The following SLC25A18 variants were observed in gnomAD, a reference collection of about 807,000 sequenced individuals.
The protein encoded by SLC25A18 is mitochondrial glutamate carrier 2.
In SLC25A18, 24 loss-of-function variants were observed where a neutral mutation model predicts 31.1. That is an observed-to-expected ratio of 0.77 (90% CI 0.56 to 1.08). The LOEUF is 1.08. SLC25A18 is among the 50% of genes least tolerant of loss of function. The pLI, the probability that SLC25A18 is intolerant of heterozygous loss-of-function variation, is 0.00. For synonymous variants in SLC25A18, 173 were observed against 161.9 expected (o/e 1.07, Z -0.52); for missense variants, 371 against 418.5 (o/e 0.89, Z 0.99).
chr22:17,581,299 C>G (rs2096894987), intron 4 of SLC25A18, 59 bp from the exon 5 acceptor site: 6 of 1,608,508 alleles, frequency 3.7e-6, no homozygotes, highest in Non-Finnish European at 4.2e-6. Context: ...GGGAGCAGGG[C>G]ATGGAGGCGG....
chr22:17,587,269 G>A lies in SLC25A18; in HGVS notation c.543G>A (p.Gly181=). The A allele has an allele frequency of 6.2e-7, 1 of 1,613,654 alleles. No individual in the cohort carries two copies. The highest frequency in any genetic ancestry group is 1.1e-5 in the South Asian group (1 of 91,076). ...WELLRTQGLA[G]LYRGLGATLL... ...TGCTCCGCACTCAGGGCCTGGCTGG[G>A]CTCTACAGGGGCCTGGGTGCCACTC... Residue 181 remains glycine, a synonymous_variant, in exon 8 of 11, where the codon GGG becomes GGA. Coordinates refer to ENST00000327451, the MANE Select transcript of SLC25A18 (RefSeq NM_031481.3).
At chr22:17,589,327 C>G (rs968706816) in intron 9 of SLC25A18, 2 of 339,266 alleles carry the variant, frequency 5.9e-6, no homozygotes, top group African/African-American at 4.3e-5. Flanking sequence ...ACTACAGGAA[C>G]GCGCCACGCC....
Position 17,586,294 on chromosome 22 carries a change from A to C in SLC25A18, c.410-842A>C, listed in dbSNP as rs149757697. Among the ~76,000 whole-genome samples the C allele has an allele frequency of 8.6e-3, 1,309 of 152,180 alleles. 16 individuals carry two copies. The highest frequency in any genetic ancestry group is 0.03 in the African/African-American group (1,226 of 41,538). On this transcript the variant is annotated intron_variant, in intron 7 of 10. Coordinates refer to ENST00000327451, the MANE Select transcript of SLC25A18 (RefSeq NM_031481.3). ...CTTTGGGAGGCAGGTGGATCACCTG[A>C]GGTCAGGAGTTTGAGACCAGCCTGA...
At chr22:17,584,399 A>AAAAGAAAGAAAG (rs1187381986) in intron 7 of SLC25A18, among the ~76,000 whole-genome samples, 1,115 of 110,714 alleles carry the variant, frequency 0.01, 49 homozygotes, top group African/African-American at 0.037. Flanking sequence ...TCTCAAAAAG[A>AAAAGAAAGAAAG]AAAGAAAGAA....
In SLC25A18 at chr22:17,581,019, G is replaced by A. The variant is rs1256051733; in HGVS notation, c.21-18G>A. ...CTCCCTCTGCCTCTCTCCTCCCCCT[G>A]TCCTCCCCCTGTCCTAGCATCACAG... On this transcript the variant is annotated intron_variant, in intron 3 of 10. Transcript: ENST00000327451. The A allele has an allele frequency of 6.5e-7, 1 of 1,536,082 alleles. No homozygotes were observed. The highest frequency in any genetic ancestry group is 1.4e-5 in the African/African-American group (1 of 72,884).
intron 3 of SLC25A18, chr22:17,580,348 G>A (rs1463834899): frequency 1.3e-5 from 3 of 234,076 alleles, no homozygotes; most frequent in Non-Finnish European, 2.2e-5. Flanking sequence ...GATAAGAAAA[G>A]TTGAGTGGGT....
chr22:17,580,060 A>G (rs181494674), intron 3 of SLC25A18, 96 bp downstream of exon 3: 17 of 1,260,910 alleles, frequency 1.3e-5, no homozygotes, highest in Non-Finnish European at 1.7e-5. Flanking sequence ...GAACAAGCTG[A>G]GTCCTAGGGA....
At chr22:17,582,748 C>T (rs1182007987) in intron 6 of SLC25A18, 95 bp downstream of exon 6, 12 of 1,077,276 alleles carry the variant, frequency 1.1e-5, no homozygotes, top group East Asian at 2.6e-5. Context: ...GTATACCTGC[C>T]TGCATGCATA....
chr22:17,587,480 T>C (rs2057583914), intron 8 of SLC25A18, among the ~76,000 whole-genome samples, 179 bp downstream of exon 8: 1 of 152,180 alleles, frequency 6.6e-6, no homozygotes, highest in African/African-American at 2.4e-5. Context: ...AATGGGTACC[T>C]AGAAGACTAA....
At chr22:17,581,575 G>C (rs2057375043) in intron 5 of SLC25A18, 162 bp downstream of exon 5, 7 of 751,340 alleles carry the variant, frequency 9.3e-6, no homozygotes, top group Non-Finnish European at 1.5e-5. Context: ...GGCAGCTCTG[G>C]GTCCTGGTAA....
chr22:17,581,070 A>G lies in SLC25A18; in HGVS notation c.54A>G (p.Ala18=). 2 of 1,558,262 alleles carry G rather than the reference A, an allele frequency of 1.3e-6. No individual in the cohort carries two copies. Among genetic ancestry groups the G allele is most frequent in the Non-Finnish European group, 1.7e-6 (2 of 1,150,034 alleles). Residue 18 remains alanine (A), a synonymous_variant, in exon 4 of 11, where the codon GCA becomes GCG. Coordinates refer to ENST00000327451, the MANE Select transcript of SLC25A18 (RefSeq NM_031481.3). ...ITAKLINGGV[A]GLVGVTCVFP... ...CCAAACTCATCAATGGAGGTGTAGC[A>G]GGGCTCGTGGGGGTGACCTGCGTGT... is the stretch of plus-strand genomic sequence containing the variant.
In SLC25A18 at chr22:17,581,361, C is replaced by T. The variant is rs766996889; in HGVS notation, c.147C>T (p.Ile49=). 1.4e-5 allele frequency: 23 copies of T among 1,613,942 alleles called. No individual in the cohort carries two copies. The highest frequency in any genetic ancestry group is 1.7e-5 in the Admixed American group (1 of 59,988). Residue 49 remains isoleucine, a synonymous_variant, in exon 5 of 11, where the codon ATC becomes ATT. Transcript: ENST00000327451. The part of the protein sequence containing the change: ...QHGKAMYKGM[I]DCLMKTARAE... ...CTACTCTGGCCTCTGCTTCCAGGATCGACTGCCTGATGAAGACGGCTCGGG... is the reference window on the plus strand; with the variant it reads ...CTACTCTGGCCTCTGCTTCCAGGATTGACTGCCTGATGAAGACGGCTCGGG...
chr22:17,581,491 T>C (rs2057372792), intron 5 of SLC25A18, 78 bp downstream of exon 5: 11 of 1,528,414 alleles, frequency 7.2e-6, no homozygotes, highest in Non-Finnish European at 9.9e-6. Flanking sequence ...GTTCCTTCCG[T>C]TGCTGCGGGG....
chr22:17,575,987 GT>G (rs1326818028), intron 2 of SLC25A18, among the ~76,000 whole-genome samples: 8 of 151,998 alleles, frequency 5.3e-5, no homozygotes, highest in Non-Finnish European at 1.2e-4. Flanking sequence ...TTTTCTCATT[GT>G]TCTGCATCCC....
intron 7 of SLC25A18, 73 bp from the exon 8 acceptor site, chr22:17,587,063 G>C: frequency 2.6e-6 from 4 of 1,541,162 alleles, no homozygotes. Flanking sequence ...GGCAGGGATT[G>C]AGAGCCACAC....
intron 10 of SLC25A18, among the ~76,000 whole-genome samples, 200 bp downstream of exon 10, chr22:17,589,865 A>G (rs2057669128): frequency 6.6e-6 from 1 of 152,194 alleles, no homozygotes; most frequent in Non-Finnish European, 1.5e-5. Context: ...ATCTCTCACC[A>G]AAGATTCTAG....
intron 2 of SLC25A18, among the ~76,000 whole-genome samples, chr22:17,571,526 C>T (rs1397505558): frequency 1.3e-5 from 2 of 152,096 alleles, no homozygotes; most frequent in African/African-American, 4.8e-5. Context: ...GTAATTCCAG[C>T]ACTTTGGGGA....
At chr22:17,588,314 A>C (rs2057613089) in intron 9 of SLC25A18, 5 of 475,622 alleles carry the variant, frequency 1.1e-5, no homozygotes, top group Non-Finnish European at 1.9e-5. Flanking sequence ...CCCTCAGAAG[A>C]GTTGTGAGCC....
At chr22:17,579,243 C>T (rs1351072976) in intron 2 of SLC25A18, among the ~76,000 whole-genome samples, 1 of 152,060 alleles carries the variant, frequency 6.6e-6, no homozygotes, top group Non-Finnish European at 1.5e-5. Flanking sequence ...CCCACCACCA[C>T]ACCCAGCTAA....
Sources: allele counts gnomAD v4.1 joint callset (sites outside exome capture counted in the v4.1 genomes callset), GRCh38; gene constraint gnomAD v4.1.1; transcripts MANE v1.5; gene names NCBI Gene and HGNC (gene_info 2026-07-23, HGNC 2026-07-21).